SEC24D: variants seen among roughly 807,000 people sequenced by gnomAD.
SEC24D encodes the protein SEC24 homolog D, COPII component, also known as protein transport protein Sec24D.
A neutral mutation model predicts 116.9 loss-of-function variants in SEC24D; 69 were observed. The observed-to-expected ratio is 0.59, with a 90% CI of 0.49 to 0.72. The LOEUF is 0.72. SEC24D is among the 30% of genes least tolerant of loss of function. The pLI is 0.00. For missense variants in SEC24D, 1,131 were observed against 1,264.1 expected, an observed-to-expected ratio of 0.89 and a Z score of 1.60; for synonymous variants, 405 against 442.8, an observed-to-expected ratio of 0.91 and a Z score of 1.07.
chr4:118,732,468 C>T (rs1725743021), intron 20 of SEC24D, among the ~76,000 whole-genome samples: 2 of 152,074 alleles, frequency 1.3e-5, no homozygotes, highest in Non-Finnish European at 2.9e-5. Context: ...AACAGGATGC[C>T]CTAACTTCTG....
At chr4:118,823,343 C>T (rs1011063031) in intron 3 of SEC24D, among the ~76,000 whole-genome samples, 1 of 152,148 alleles carries the variant, frequency 6.6e-6, no homozygotes, top group African/African-American at 2.4e-5. Context: ...TCACAAATGC[C>T]CTGTAGGAGA....
chr4:118,783,545 A>AC (rs1728524854), intron 8 of SEC24D, among the ~76,000 whole-genome samples: 1 of 152,214 alleles, frequency 6.6e-6, no homozygotes, highest in Non-Finnish European at 1.5e-5. Context: ...ATTGAATTGA[A>AC]TTGGTTATTC....
Position 118,731,310 on chromosome 4 carries a change from A to T in SEC24D, c.2868+6T>A. 6.2e-7 allele frequency: 1 copy of T among 1,606,410 alleles called. No homozygotes were observed. The highest frequency in any genetic ancestry group is 8.5e-7 in the Non-Finnish European group (1 of 1,172,920). On this transcript the variant is annotated splice_donor_region_variant and intron_variant, in intron 21 of 22. Coordinates refer to ENST00000280551, the MANE Select transcript of SEC24D (RefSeq NM_014822.4). ...TTACCACAAAAGCAATGAAAATAAT[A>T]CTTACCATATCTGTGTTGATATGTG...
At chr4:118,756,957 T>C (rs2110462065) in intron 11 of SEC24D, among the ~76,000 whole-genome samples, 1 of 152,346 alleles carries the variant, frequency 6.6e-6, no homozygotes, top group East Asian at 1.9e-4. Flanking sequence ...TTTTCCTCTT[T>C]ATTTTTCAAA....
chr4:118,748,017 G>A (rs905293386), intron 13 of SEC24D, among the ~76,000 whole-genome samples: 4 of 152,170 alleles, frequency 2.6e-5, no homozygotes, highest in Admixed American at 1.3e-4. Context: ...TGTAATCCCA[G>A]CACTTTGGGA....
chr4:118,784,382 G>A (rs913247862), intron 8 of SEC24D, among the ~76,000 whole-genome samples: 10 of 152,042 alleles, frequency 6.6e-5, no homozygotes, highest in African/African-American at 2.4e-4. Flanking sequence ...AAGAAATATA[G>A]ACAAAATTAT....
chr4:118,801,028 G>A (rs542084737), intron 7 of SEC24D, among the ~76,000 whole-genome samples: 25 of 152,228 alleles, frequency 1.6e-4, no homozygotes, highest in Non-Finnish European at 2.4e-4. Flanking sequence ...TTGGAAGGCC[G>A]AGACGGGTGG....
chr4:118,810,442 C>T (rs998555086), intron 6 of SEC24D, among the ~76,000 whole-genome samples: 2 of 152,092 alleles, frequency 1.3e-5, no homozygotes, highest in Non-Finnish European at 2.9e-5. Context: ...CAGAGATGAT[C>T]CCCAGGTTTT....
At chr4:118,812,993 G>A (rs905704947) in intron 6 of SEC24D, among the ~76,000 whole-genome samples, 19 of 152,122 alleles carry the variant, frequency 1.2e-4, no homozygotes, top group Non-Finnish European at 2.5e-4. Flanking sequence ...CTGAAGAAGC[G>A]AGCCACACCC....
At chr4:118,731,548 CCCCTT>C (rs762587139) in intron 20 of SEC24D, 41 bp from the exon 21 acceptor site, 4 of 1,543,738 alleles carry the variant, frequency 2.6e-6, no homozygotes, top group Non-Finnish European at 2.7e-6. Context: ...CTCCTTTCTT[CCCCTT>C]CCCTTCCCTC....
At chr4:118,830,561 C>T (rs1174349188) in intron 2 of SEC24D, among the ~76,000 whole-genome samples, 4 of 151,974 alleles carry the variant, frequency 2.6e-5, no homozygotes, top group African/African-American at 9.7e-5. Flanking sequence ...TCAATTTAAC[C>T]ATTCCACAGT....
rs1257890608 is a variant in SEC24D, at chr4:118,757,840, A to C, written c.1302T>G (p.Ser434Arg). The change falls in exon 11 of 23, where the codon AGT (serine) becomes AGG (arginine). Residue 434 changes from serine to arginine, a missense_variant. Transcript: ENST00000280551. The stretch of plus-strand genomic sequence containing the variant: ...TAAAGGCTGGTGGGTTGGGAGGCTT[A>C]CTCTTCTATAGGAAAGCAAACACAT... ...YVATLDYCRKSKPPNPPAFIF... is the reference protein window; with the variant it reads ...YVATLDYCRKRKPPNPPAFIF... The C allele has an allele frequency of 1.9e-6, 3 of 1,606,116 alleles. No homozygotes were observed. Among genetic ancestry groups the C allele is most frequent in the Non-Finnish European group, 2.5e-6 (3 of 1,177,044 alleles).
chr4:118,776,747 T>C (rs945033319), intron 8 of SEC24D, among the ~76,000 whole-genome samples: 6 of 152,148 alleles, frequency 3.9e-5, no homozygotes, highest in Non-Finnish European at 7.3e-5. Flanking sequence ...TTATCTTTTA[T>C]CTCTATGGGA....
chr4:118,833,646 A>C lies in SEC24D; in HGVS notation c.51T>G (p.Pro17=), dbSNP rs1193975023. The C allele has an allele frequency of 1.2e-6, 2 of 1,614,132 alleles. No homozygotes were observed. Among genetic ancestry groups the C allele is most frequent in the South Asian group, 2.2e-5 (2 of 91,072 alleles). The part of the protein sequence containing the change: ...VATPPYSQPQ[P]GIGLSPPHYG... ...AATGAGGTGGAGAAAGGCCTATTCC[A>C]GGCTGAGGCTGAGAATACGGAGGTG... The change falls in exon 2 of 23, where the codon CCT becomes CCG. Residue 17 remains proline (P), a synonymous_variant. Coordinates refer to ENST00000280551, the MANE Select transcript of SEC24D (RefSeq NM_014822.4).
At chr4:118,725,432 T>C (rs551195459) in intron 22 of SEC24D, among the ~76,000 whole-genome samples, 6 of 152,316 alleles carry the variant, frequency 3.9e-5, no homozygotes, top group Admixed American at 2.0e-4. Context: ...TTGTCCATGA[T>C]TGGTAGGGGC....
intron 8 of SEC24D, among the ~76,000 whole-genome samples, chr4:118,785,561 G>A (rs1358712902): frequency 6.6e-6 from 1 of 152,060 alleles, no homozygotes; most frequent in Non-Finnish European, 1.5e-5. Context: ...AGGAGTTGAA[G>A]AAAAATTATT....
chr4:118,786,494 C>CACAAAATTTGACAGAA (rs1728669387), intron 8 of SEC24D, among the ~76,000 whole-genome samples: 1 of 152,104 alleles, frequency 6.6e-6, no homozygotes, highest in African/African-American at 2.4e-5. Flanking sequence ...TCTAAATATC[C>CACAAAATTTGACAGAA]ACAAAATTTG....
At chr4:118,763,940 A>G (rs962019185) in intron 10 of SEC24D, among the ~76,000 whole-genome samples, 12 of 152,242 alleles carry the variant, frequency 7.9e-5, no homozygotes, top group African/African-American at 2.9e-4. Flanking sequence ...TGATAAAGAC[A>G]GAGAAAGTTG....
Position 118,815,525 on chromosome 4 carries a change from G to A in SEC24D, c.599C>T (p.Pro200Leu), listed in dbSNP as rs114096530. Residue 200 changes from proline (P) to leucine (L), a missense_variant, in exon 5 of 23, where the codon CCT becomes CTT. By Grantham distance (98) the Pro-to-Leu change is moderately conservative. Transcript: ENST00000280551. ...MYRPDGLSGP[P>L]PPNAQYQPPP... ...GGGCTGGTACTGGGCATTTGGAGGA[G>A]GAGGCCCAGAGAGCCCATCTGGTCT... 771 of 1,614,190 alleles carry A rather than the reference G, an allele frequency of 4.8e-4. 4 individuals are homozygous for A. The African/African-American group carries it at 8.8e-3, about 18-fold the overall frequency.
Sources: gnomAD v4.1 joint callset for allele counts (sites outside exome capture counted in the v4.1 genomes callset) on GRCh38, gnomAD v4.1.1 for gene constraint, MANE v1.5 for transcripts, NCBI Gene and HGNC (gene_info 2026-07-23, HGNC 2026-07-21) for gene names.